SLC25A26: variants seen among roughly 807,000 people sequenced by gnomAD.
The protein encoded by SLC25A26 is solute carrier family 25 member 26, also known as mitochondrial S-adenosylmethionine carrier protein.
SLC25A26 carries 36 observed loss-of-function variants against 37.8 expected under a neutral mutation model. The ratio of observed to expected loss-of-function variants is 0.95; its 90% CI spans 0.73 to 1.26. The LOEUF is 1.26. Among genes scored for constraint, SLC25A26 ranks in the 50% most tolerant of loss-of-function variants. The pLI, the probability that SLC25A26 is intolerant of heterozygous loss-of-function variation, is 0.00. For missense variants in SLC25A26, 390 were observed against 331.1 expected (o/e 1.18, Z -1.38); for synonymous variants, 129 against 122.5 (o/e 1.05, Z -0.35).
At chr3:66,157,815 G>T (rs886100301) in intron 1 of SLC25A26, among the ~76,000 whole-genome samples, 5 of 152,138 alleles carry the variant, frequency 3.3e-5, no homozygotes, top group Non-Finnish European at 7.3e-5. Context: ...TTGAGACAGG[G>T]TCTCGCTCTG....
chr3:66,288,554 C>T (rs2074594987), intron 5 of SLC25A26, among the ~76,000 whole-genome samples: 1 of 152,118 alleles, frequency 6.6e-6, no homozygotes, highest in African/African-American at 2.4e-5. Flanking sequence ...TCAACTCCCA[C>T]TTATGAGTGG....
intron 3 of SLC25A26, among the ~76,000 whole-genome samples, chr3:66,260,273 G>A (rs1297781942): frequency 6.6e-6 from 1 of 152,012 alleles, no homozygotes; most frequent in Non-Finnish European, 1.5e-5. Context: ...CATCATCTTA[G>A]TCTTCTTTAT....
chr3:66,281,741 A>C (rs896151658), intron 5 of SLC25A26, among the ~76,000 whole-genome samples: 1 of 151,262 alleles, frequency 6.6e-6, no homozygotes, highest in Admixed American at 6.6e-5. Context: ...TATTCTTTTG[A>C]TACTTAAACT....
rs1188403873 is a variant in SLC25A26, at chr3:66,209,021, T to C, written c.-353-11721T>C. Among the ~76,000 whole-genome samples the C allele has an allele frequency of 4.1e-3, 369 of 89,296 alleles. 29 individuals carry two copies. The highest frequency in any genetic ancestry group is 8.3e-3 in the African/African-American group (221 of 26,636). 58.6% of individuals were successfully genotyped at this position (89,296 alleles called of 152,430 possible). On this transcript the variant is annotated intron_variant, in intron 1 of 10. Transcript: ENST00000676754. ...ACCCATATAAAGGTATATATATATATACACACCCATATAAAGGTGTATATA... is the reference window on the plus strand; with the variant it reads ...ACCCATATAAAGGTATATATATATACACACACCCATATAAAGGTGTATATA...
At chr3:66,156,551 G>A (rs2106702316) in intron 1 of SLC25A26, among the ~76,000 whole-genome samples, 1 of 152,286 alleles carries the variant, frequency 6.6e-6, no homozygotes. Context: ...TGGTTCTTCT[G>A]CTTATAAAGA....
chr3:66,349,404 C>G (rs970043083), intron 6 of SLC25A26, among the ~76,000 whole-genome samples: 5 of 152,150 alleles, frequency 3.3e-5, no homozygotes, highest in African/African-American at 4.8e-5. Context: ...CTGTGAGCCA[C>G]TGTTCTGTAG....
intron 5 of SLC25A26, among the ~76,000 whole-genome samples, chr3:66,297,253 G>A (rs1187824051): frequency 1.3e-5 from 2 of 150,882 alleles, no homozygotes; most frequent in African/African-American, 4.9e-5. Flanking sequence ...GCTTGAATCC[G>A]GGAGGTGGAG....
chr3:66,374,321 T>C (rs145274453), intron 9 of SLC25A26, among the ~76,000 whole-genome samples: 1 of 152,214 alleles, frequency 6.6e-6, no homozygotes, highest in African/African-American at 2.4e-5. Flanking sequence ...ATATTTTCAT[T>C]ATCATATCTG....
chr3:66,210,238 G>A (rs1306279480), intron 1 of SLC25A26, among the ~76,000 whole-genome samples: 3 of 151,608 alleles, frequency 2.0e-5, no homozygotes, highest in Non-Finnish European at 4.4e-5. Flanking sequence ...TAATCTAGTG[G>A]TGGAGACAGA....
intron 5 of SLC25A26, among the ~76,000 whole-genome samples, chr3:66,294,197 C>T: frequency 6.6e-6 from 1 of 151,896 alleles, no homozygotes; most frequent in Non-Finnish European, 1.5e-5. Flanking sequence ...ATCTCTGATA[C>T]CTCTGAGCAG....
At position 66,160,439 on chromosome 3, in the gene SLC25A26, C is replaced by T. The variant is rs149656281; in HGVS notation, c.-354+26455C>T. ...CCAAAACACTGTCAAGATGACTGAT[C>T]AATTCCGTTAAAATAAAGTTCTGCT... On this transcript the variant is annotated intron_variant, in intron 1 of 10. Coordinates refer to the SLC25A26 transcript ENST00000676754. Among the ~76,000 whole-genome samples, 706 of 152,250 alleles carry T rather than the reference C, an allele frequency of 4.6e-3. 7 individuals are homozygous for T. The highest frequency in any genetic ancestry group is 0.016 in the African/African-American group (662 of 41,542).
In SLC25A26 at chr3:66,262,154, A is replaced by C. The variant is rs780415166; in HGVS notation, c.404A>C (p.Glu135Ala). ...ATTTTCTCTAACATCTTATATGAAG[A>C]GGTGAGATGGGTTTTTTAAGCTCTT... ...FQIFSNILYE[E>A]GIQGLYRGYK... Residue 135 changes from glutamate to alanine, a missense_variant and splice_region_variant, in exon 4 of 10, where the codon GAG (glutamate) becomes GCG (alanine). Physicochemically the swap from Glu to Ala is moderately radical, Grantham distance 107. Transcript: ENST00000354883. 1 of 1,487,884 alleles carries C rather than the reference A, an allele frequency of 6.7e-7. No individual in the cohort carries two copies. Among genetic ancestry groups the C allele is most frequent in the Non-Finnish European group, 9.1e-7 (1 of 1,094,396 alleles). The allele number at this position is 1,487,884 out of a possible 1,614,324, so 92.2% of individuals were successfully genotyped here. A position where few individuals can be genotyped will look rare whatever the true frequency, so the allele number is the denominator to read the frequency against.
chr3:66,263,899 C>T (rs1354716216), intron 5 of SLC25A26, among the ~76,000 whole-genome samples: 1 of 152,078 alleles, frequency 6.6e-6, no homozygotes, highest in Non-Finnish European at 1.5e-5. Flanking sequence ...ACCTCATGAT[C>T]CTCCCGCCTC....
intron 5 of SLC25A26, among the ~76,000 whole-genome samples, chr3:66,272,499 G>A (rs2073992446): frequency 6.6e-6 from 1 of 152,198 alleles, no homozygotes; most frequent in South Asian, 2.1e-4. Context: ...CAAGTGTAAG[G>A]AATCTGTGTT....
intron 5 of SLC25A26, among the ~76,000 whole-genome samples, chr3:66,283,403 C>G (rs1469082524): frequency 1.3e-5 from 2 of 152,188 alleles, no homozygotes; most frequent in African/African-American, 4.8e-5. Flanking sequence ...ACCTCAGCTT[C>G]CTGAGAAGCT....
At chr3:66,330,153 G>T (rs1414172265) in intron 5 of SLC25A26, among the ~76,000 whole-genome samples, 1 of 152,156 alleles carries the variant, frequency 6.6e-6, no homozygotes, top group African/African-American at 2.4e-5. Flanking sequence ...GTGTGAGAGA[G>T]CAAGCTGTCA....
intron 1 of SLC25A26, among the ~76,000 whole-genome samples, chr3:66,213,108 G>T (rs1430844233): frequency 7.2e-5 from 11 of 152,070 alleles, no homozygotes; most frequent in African/African-American, 2.7e-4. Flanking sequence ...CAAGAACTAG[G>T]CCTGGCGCAG....
intron 5 of SLC25A26, among the ~76,000 whole-genome samples, chr3:66,305,279 A>G (rs1399438045): frequency 1.3e-5 from 2 of 152,180 alleles, no homozygotes; most frequent in African/African-American, 2.4e-5. Context: ...ACAGGAGAAC[A>G]TGTCTTTTAT....
Position 66,209,059 on chromosome 3 carries a change from TATATATACACACAC to T in SLC25A26, c.-353-11681_-353-11668del, listed in dbSNP as rs1433160121. On this transcript the variant is annotated intron_variant, in intron 1 of 10. Coordinates refer to the SLC25A26 transcript ENST00000676754. The stretch of plus-strand genomic sequence containing the variant: ...AAAGGTGTATATATATATATATATA[TATATATACACACAC>T]ACACCCATATAAAGATGTATATATA... Among the ~76,000 whole-genome samples, 227 of 24,428 alleles carry T rather than the reference TATATATACACACAC, an allele frequency of 9.3e-3. 16 individuals are homozygous for T. Among genetic ancestry groups the T allele is most frequent in the South Asian group, 0.051 (25 of 488 alleles). 16.0% of individuals were successfully genotyped at this position (24,428 alleles called of 152,430 possible).
Sources: gnomAD v4.1 joint callset for allele counts (sites outside exome capture counted in the v4.1 genomes callset) on GRCh38, gnomAD v4.1.1 for gene constraint, MANE v1.5 for transcripts, NCBI Gene and HGNC (gene_info 2026-07-23, HGNC 2026-07-21) for gene names.